TAFA4: variants seen among roughly 807,000 people sequenced by gnomAD.
TAFA4 encodes the protein chemokine-like protein TAFA-4.
Under a neutral mutation model 21.1 loss-of-function variants are expected in TAFA4, and 20 were observed. The observed-to-expected ratio is 0.95, with a 90% CI of 0.67 to 1.38. The LOEUF (loss-of-function observed/expected upper bound fraction) is 1.38. Ranked by LOEUF, TAFA4 falls within the 40% of genes most tolerant of loss-of-function variation. TAFA4 has a pLI of 0.00. For synonymous variants in TAFA4, 71 were observed against 67.4 expected, an observed-to-expected ratio of 1.05 and a Z score of -0.26; for missense variants, 211 against 180.9, an observed-to-expected ratio of 1.17 and a Z score of -0.95.
intron 3 of TAFA4, among the ~76,000 whole-genome samples, chr3:68,783,667 CACACACAG>C (rs1345065594): frequency 6.6e-4 from 62 of 93,942 alleles, no homozygotes; most frequent in South Asian, 1.2e-3. Flanking sequence ...CACAGACACA[CACACACAG>C]AGAGAGAGAG....
intron 3 of TAFA4, among the ~76,000 whole-genome samples, chr3:68,828,289 A>G (rs1225663844): frequency 6.6e-6 from 1 of 152,120 alleles, no homozygotes; most frequent in Admixed American, 6.5e-5. Context: ...GCCTTGTAGT[A>G]TAGTTTGAAG....
At chr3:68,769,016 C>A (rs1008666475) in intron 3 of TAFA4, among the ~76,000 whole-genome samples, 1 of 152,156 alleles carries the variant, frequency 6.6e-6, no homozygotes, top group Non-Finnish European at 1.5e-5. Flanking sequence ...TTCTGGTGTT[C>A]CATTGCAGGG....
At chr3:68,875,330 T>C (rs1167628253) in intron 3 of TAFA4, among the ~76,000 whole-genome samples, 1 of 152,120 alleles carries the variant, frequency 6.6e-6, no homozygotes, top group Non-Finnish European at 1.5e-5. Context: ...GCCTGCACTC[T>C]ACTTTGTAAG....
intron 3 of TAFA4, among the ~76,000 whole-genome samples, chr3:68,814,052 C>T (rs189994956): frequency 6.6e-6 from 1 of 152,242 alleles, no homozygotes; most frequent in African/African-American, 2.4e-5. Context: ...ATAAATAGAA[C>T]CAAAGACAAA....
At chr3:68,896,708 C>G (rs1024853394) in intron 1 of TAFA4, among the ~76,000 whole-genome samples, 2 of 152,196 alleles carry the variant, frequency 1.3e-5, no homozygotes, top group African/African-American at 4.8e-5. Flanking sequence ...GGCCAGCTAT[C>G]TGGAGAGTAG....
chr3:68,850,932 G>A (rs1704930923), intron 3 of TAFA4, among the ~76,000 whole-genome samples: 1 of 152,034 alleles, frequency 6.6e-6, no homozygotes, highest in African/African-American at 2.4e-5. Context: ...ATTGCTTTTG[G>A]TAATTTTGTC....
intron 3 of TAFA4, among the ~76,000 whole-genome samples, chr3:68,854,096 T>A (rs946861245): frequency 6.6e-6 from 1 of 152,094 alleles, no homozygotes; most frequent in Non-Finnish European, 1.5e-5. Flanking sequence ...TCAAGAATTA[T>A]AAAGCAGGAG....
intron 3 of TAFA4, among the ~76,000 whole-genome samples, chr3:68,767,909 A>C (rs2106777693): frequency 6.6e-6 from 1 of 152,058 alleles, no homozygotes; most frequent in East Asian, 1.9e-4. Flanking sequence ...TTCTATCCTT[A>C]GTACTTTTTT....
chr3:68,733,530 A>C (rs1318271776), intron 5 of TAFA4, among the ~76,000 whole-genome samples: 1 of 152,180 alleles, frequency 6.6e-6, no homozygotes. Context: ...CAAGATAAAA[A>C]TGTTGCCTTT....
At chr3:68,753,183 G>T (rs543824995) in intron 3 of TAFA4, among the ~76,000 whole-genome samples, 165 bp from the exon 4 acceptor site, 23 of 152,202 alleles carry the variant, frequency 1.5e-4, no homozygotes, top group Admixed American at 1.2e-3. Context: ...TTTATATAAA[G>T]GTGGTGAGAA....
chr3:68,888,078 A>G (rs74816004), intron 1 of TAFA4, among the ~76,000 whole-genome samples: 1 of 152,102 alleles, frequency 6.6e-6, no homozygotes, highest in Non-Finnish European at 1.5e-5. Flanking sequence ...AAGCACCCAA[A>G]AGAAGCCATG....
intron 1 of TAFA4, among the ~76,000 whole-genome samples, chr3:68,909,475 T>C (rs1444012764): frequency 6.6e-6 from 1 of 152,102 alleles, no homozygotes; most frequent in Admixed American, 6.5e-5. Context: ...AGTGAATGGC[T>C]CAATCAACCC....
chr3:68,883,411 G>A (rs752084995), intron 2 of TAFA4, among the ~76,000 whole-genome samples: 16 of 152,124 alleles, frequency 1.1e-4, no homozygotes, highest in African/African-American at 2.4e-5. Flanking sequence ...CCCCACCCAG[G>A]ATAGTCTCTC....
At chr3:68,847,959 GC>G (rs1193851304) in intron 3 of TAFA4, among the ~76,000 whole-genome samples, 6 of 152,164 alleles carry the variant, frequency 3.9e-5, no homozygotes. Flanking sequence ...AAGACCTAAT[GC>G]TAAGAACAGC....
At chr3:68,927,924 A>G (rs1575677799) in intron 1 of TAFA4, among the ~76,000 whole-genome samples, 1 of 152,032 alleles carries the variant, frequency 6.6e-6, no homozygotes. Context: ...AAATACAATG[A>G]TATCTTCCTA....
At chr3:68,741,685 A>C (rs1702355604) in intron 4 of TAFA4, among the ~76,000 whole-genome samples, 2 of 152,008 alleles carry the variant, frequency 1.3e-5, no homozygotes, top group South Asian at 4.2e-4. Context: ...CAAGCTACTT[A>C]GGAGGCTGAG....
At chr3:68,896,011 G>A (rs1339509394) in intron 1 of TAFA4, among the ~76,000 whole-genome samples, 1 of 152,160 alleles carries the variant, frequency 6.6e-6, no homozygotes, top group Non-Finnish European at 1.5e-5. Flanking sequence ...CTTTCCAAGG[G>A]AAGCATATTC....
Position 68,821,417 on chromosome 3 carries a change from G to A in TAFA4, c.130+59313C>T, listed in dbSNP as rs1303657346. 1.7e-4 allele frequency among the ~76,000 whole-genome samples: 3 copies of A among 17,594 alleles called. 1 individual carries two copies. The highest frequency in any genetic ancestry group is 3.0e-4 in the Non-Finnish European group (3 of 10,056). The allele number at this position is 17,594 out of a possible 152,430, so 11.5% of individuals were successfully genotyped here. Reference sequence around the variant, plus strand: ...GCTGGAGTGCAGTGGCGCAATCTCGGCTCACTGCAGGCTCCACCCCCTGGG... The same window carrying A: ...GCTGGAGTGCAGTGGCGCAATCTCGACTCACTGCAGGCTCCACCCCCTGGG... On this transcript the variant is annotated intron_variant, in intron 3 of 5. Transcript: ENST00000295569.
intron 3 of TAFA4, among the ~76,000 whole-genome samples, chr3:68,759,678 G>A (rs1702725822): frequency 1.3e-5 from 2 of 152,174 alleles, no homozygotes; most frequent in Non-Finnish European, 2.9e-5. Flanking sequence ...TGCAATAAGT[G>A]AGAAGTTGCA....
Sources: gnomAD v4.1 joint callset for allele counts (sites outside exome capture counted in the v4.1 genomes callset) on GRCh38, gnomAD v4.1.1 for gene constraint, MANE v1.5 for transcripts, NCBI Gene and HGNC (gene_info 2026-07-23, HGNC 2026-07-21) for gene names.